C1orf232: variants seen among roughly 807,000 people sequenced by gnomAD.
C1orf232 encodes the protein chromosome 1 open reading frame 230.
C1orf232 carries 10 observed loss-of-function variants against 12.1 expected under a neutral mutation model. The observed-to-expected ratio is 0.82, with a 90% CI of 0.51 to 1.40. The LOEUF (loss-of-function observed/expected upper bound fraction) is 1.40, where lower values mean the gene tolerates loss of function less well. C1orf232 is among the 40% of genes most tolerant of loss of function. The probability of loss-of-function intolerance (pLI) is 0.00; values close to 1 mark genes in which losing one functional copy is unlikely to be tolerated. For synonymous variants in C1orf232, 36 were observed against 39.8 expected, an observed-to-expected ratio of 0.90 and a Z score of 0.36; for missense variants, 88 against 98.4, an observed-to-expected ratio of 0.89 and a Z score of 0.45.
intron 1 of C1orf232, among the ~76,000 whole-genome samples, chr1:26,166,797 C>A (rs1265544468): frequency 6.6e-6 from 1 of 152,202 alleles, no homozygotes; most frequent in Non-Finnish European, 1.5e-5. Context: ...TATACAAGGA[C>A]ACACACAGTT....
chr1:26,164,434 G>T lies in C1orf232; in HGVS notation c.288C>A (p.Pro96=), dbSNP rs1180564207. Residue 96 remains proline, a synonymous_variant, in exon 4 of 4, where the codon CCC becomes CCA. Transcript: ENST00000634842. This position sits in a 1 kb window ranked among gnomAD's most constrained non-coding sequence, Gnocchi z 4.2. ...CCTCCGCCGCCGCCGCCGCCTGCGA[G>T]GGGGGTCGCGCCGCCAGAGGGCTGC... ...CADHPLAARP[P]SQAAAAAEAR... The T allele has an allele frequency of 5.3e-6, 2 of 379,004 alleles. No homozygotes were observed. Among genetic ancestry groups the T allele is most frequent in the South Asian group, 1.3e-4 (1 of 7,720 alleles). The allele number at this position is 379,004 out of a possible 1,614,324, so 23.5% of individuals were successfully genotyped here. A position where few individuals can be genotyped will look rare whatever the true frequency, so the allele number is the denominator to read the frequency against.
At chr1:26,167,980 A>G (rs1046416273) in intron 1 of C1orf232, among the ~76,000 whole-genome samples, 1 of 152,162 alleles carries the variant, frequency 6.6e-6, no homozygotes, top group African/African-American at 2.4e-5. Flanking sequence ...GTCAGAACAA[A>G]GCATGGTCTA....
chr1:26,167,617 G>A (rs1318981101), intron 1 of C1orf232, among the ~76,000 whole-genome samples: 3 of 152,024 alleles, frequency 2.0e-5, no homozygotes, highest in Admixed American at 6.6e-5. Flanking sequence ...AAGCCACTGC[G>A]CCTGGCCTGT....
chr1:26,166,255 G>A, intron 1 of C1orf232, 137 bp from the exon 2 acceptor site: 1 of 487,354 alleles, frequency 2.1e-6, no homozygotes, highest in Non-Finnish European at 3.2e-6. Context: ...ACACTCCACA[G>A]ATCCACAAGG....
chr1:26,165,915 C>T lies in C1orf232; in HGVS notation c.177G>A (p.Gly59=), dbSNP rs973112125. 11 of 1,231,602 alleles carry T rather than the reference C, an allele frequency of 8.9e-6. No homozygotes were observed. Among genetic ancestry groups the T allele is most frequent in the Non-Finnish European group, 1.0e-5 (10 of 988,038 alleles). 76.3% of individuals were successfully genotyped at this position (1,231,602 alleles called of 1,614,324 possible). A position where few individuals can be genotyped will look rare whatever the true frequency, so the allele number is the denominator to read the frequency against. Residue 59 remains glycine (G), a synonymous_variant, in exon 3 of 4, where the codon GGG becomes GGA. Coordinates refer to ENST00000634842, the MANE Select transcript of C1orf232 (RefSeq NM_001364669.2). ...PMSQLARRVQ[G]VGVKGWLTMS... ...TTGTCAGCCAGCCTTTCACCCCGAC[C>T]CCCTGAACCTGGGAAAGGGGTTGGG... is the stretch of plus-strand genomic sequence containing the variant.
At chr1:26,165,191 C>G (rs1347730915) in intron 3 of C1orf232, among the ~76,000 whole-genome samples, 1 of 151,312 alleles carries the variant, frequency 6.6e-6, no homozygotes, top group Non-Finnish European at 1.5e-5. Context: ...AGAATAGGGT[C>G]AACGGTGAGA....
chr1:26,166,081 T>C lies in C1orf232; in HGVS notation c.122A>G (p.Glu41Gly), dbSNP rs2088423099. 2 of 1,231,554 alleles carry C rather than the reference T, an allele frequency of 1.6e-6. No homozygotes were observed. The highest frequency in any genetic ancestry group is 8.2e-5 in the South Asian group (2 of 24,322). The allele number at this position is 1,231,554 out of a possible 1,614,324, so 76.3% of individuals were successfully genotyped here. Residue 41 changes from glutamate (E) to glycine (G), a missense_variant, in exon 2 of 4, where the codon GAA becomes GGA. By Grantham distance (98) the Glu-to-Gly change is moderately conservative. Coordinates refer to ENST00000634842, the MANE Select transcript of C1orf232 (RefSeq NM_001364669.2). ...NPALVGSETA[E>G]PTEETFNPMS... ...GGGATTGAAGGTCTCCTCGGTCGGT[T>C]CTGCTGTCTCAGACCCCACTAATGC... is the stretch of plus-strand genomic sequence containing the variant.
chr1:26,165,975 C>T (rs1462379901), intron 2 of C1orf232, 52 bp from the exon 3 acceptor site: 2 of 1,231,596 alleles, frequency 1.6e-6, no homozygotes, highest in East Asian at 6.3e-5. Flanking sequence ...CCTCCCAGGA[C>T]TCCACAGAAG....
At chr1:26,165,533 T>C (rs1357988263) in intron 3 of C1orf232, among the ~76,000 whole-genome samples, 1 of 152,186 alleles carries the variant, frequency 6.6e-6, no homozygotes, top group Non-Finnish European at 1.5e-5. Flanking sequence ...AAAGGTATTC[T>C]GCGTTCTTGG....
rs550789247 is a variant in C1orf232 at position 26,166,820 on chromosome 1, C to A, written c.85-702G>T. 2.0e-5 allele frequency among the ~76,000 whole-genome samples: 3 copies of A among 152,332 alleles called. No homozygotes were observed. The South Asian group carries it at 6.2e-4, about 32-fold the overall frequency. ...GACACACACAGTTATATCATTCACACCTGTGCACTTATACAACCACAGACA... is the reference window on the plus strand; with the variant it reads ...GACACACACAGTTATATCATTCACAACTGTGCACTTATACAACCACAGACA... On this transcript the variant is annotated intron_variant, in intron 1 of 3. Transcript: ENST00000634842.
chr1:26,164,153 C>A lies in C1orf232; in HGVS notation c.*8G>T. ...TGGGAGCAGCGGGCGCGGGGTTCTG[C>A]CAGCCTGCTAGTCACCCTTGGGCGC... On this transcript the variant is annotated 3_prime_UTR_variant, in exon 4 of 4. Transcript: ENST00000634842. This position sits in a 1 kb window ranked among gnomAD's most constrained non-coding sequence, Gnocchi z 4.2. 1 of 398,402 alleles carries A rather than the reference C, an allele frequency of 2.5e-6. No individual in the cohort carries two copies. The highest frequency in any genetic ancestry group is 3.6e-5 in the East Asian group (1 of 28,054). The allele number at this position is 398,402 out of a possible 1,614,324, so 24.7% of individuals were successfully genotyped here.
At position 26,166,127 on chromosome 1, in the gene C1orf232, C is replaced by G; in HGVS notation, c.85-9G>C. 1 of 1,231,604 alleles carries G rather than the reference C, an allele frequency of 8.1e-7. No individual in the cohort carries two copies. The highest frequency in any genetic ancestry group is 3.2e-5 in the East Asian group (1 of 31,704). 76.3% of individuals were successfully genotyped at this position (1,231,604 alleles called of 1,614,324 possible). A position where few individuals can be genotyped will look rare whatever the true frequency, so the allele number is the denominator to read the frequency against. ...AATGCTGGGTTCTCCCTCTGGGACA[C>G]AAGACCCCCACACAGCATGAGAGAG... On this transcript the variant is annotated splice_polypyrimidine_tract_variant and intron_variant, in intron 1 of 3. Transcript: ENST00000634842.
chr1:26,165,357 G>A (rs942724749), intron 3 of C1orf232, among the ~76,000 whole-genome samples: 3 of 152,148 alleles, frequency 2.0e-5, no homozygotes, highest in African/African-American at 4.8e-5. Context: ...GGGCCCTGGG[G>A]GAGCTTGCTG....
intron 1 of C1orf232, among the ~76,000 whole-genome samples, chr1:26,167,662 C>T (rs2088440145): frequency 6.6e-6 from 1 of 152,076 alleles, no homozygotes; most frequent in Non-Finnish European, 1.5e-5. Flanking sequence ...TGCTCTGTCG[C>T]CCAGGCTGGA....
rs1381979099 is a variant in C1orf232, at chr1:26,164,122, CA to C, written c.*38del. 2 of 397,990 alleles carry C rather than the reference CA, an allele frequency of 5.0e-6. No individual in the cohort carries two copies. Among genetic ancestry groups the C allele is most frequent in the Non-Finnish European group, 8.9e-6 (2 of 225,758 alleles). The allele number at this position is 397,990 out of a possible 1,614,324, so 24.7% of individuals were successfully genotyped here. ...AGGCTGTCGGGCCAGGGTTTTTTATCAGGGGTGGGAGCAGCGGGCGCGGGGT... is the reference window on the plus strand; with the variant it reads ...AGGCTGTCGGGCCAGGGTTTTTTATCGGGGTGGGAGCAGCGGGCGCGGGGT... On this transcript the variant is annotated 3_prime_UTR_variant, in exon 4 of 4. Transcript: ENST00000634842. The surrounding 1 kb of genome is among the most constrained non-coding windows in gnomAD (Gnocchi z 4.2).
rs1182808037 is a variant in C1orf232 at position 26,164,426 on chromosome 1, G to A, written c.296C>T (p.Ala99Val). The A allele has an allele frequency of 1.8e-5, 7 of 380,634 alleles. No homozygotes were observed. Among genetic ancestry groups the A allele is most frequent in the Non-Finnish European group, 3.3e-5 (7 of 214,636 alleles). The allele number at this position is 380,634 out of a possible 1,614,324, so 23.6% of individuals were successfully genotyped here. ...GCCGCGCGCCTCCGCCGCCGCCGCC[G>A]CCTGCGAGGGGGGTCGCGCCGCCAG... ...HPLAARPPSQ[A>V]AAAAEARGPG... The change falls in exon 4 of 4, where the codon GCG (alanine) becomes GTG (valine). Residue 99 changes from alanine (A) to valine (V), a missense_variant. Ala to Val is a moderately conservative substitution (Grantham distance 64). Coordinates refer to ENST00000634842, the MANE Select transcript of C1orf232 (RefSeq NM_001364669.2). This position sits in a 1 kb window ranked among gnomAD's most constrained non-coding sequence, Gnocchi z 4.2.
intron 1 of C1orf232, among the ~76,000 whole-genome samples, chr1:26,168,076 C>T (rs1175513293): frequency 6.6e-6 from 1 of 152,190 alleles, no homozygotes; most frequent in African/African-American, 2.4e-5. Flanking sequence ...GGGCTCACTA[C>T]ATCACTCCTA....
chr1:26,167,966 T>C (rs929515429), intron 1 of C1orf232, among the ~76,000 whole-genome samples: 3 of 152,184 alleles, frequency 2.0e-5, no homozygotes, highest in Non-Finnish European at 1.5e-5. Context: ...TTGTTTTTTG[T>C]AATGTCAGAA....
At chr1:26,166,717 T>C (rs940734112) in intron 1 of C1orf232, among the ~76,000 whole-genome samples, 1 of 152,178 alleles carries the variant, frequency 6.6e-6, no homozygotes, top group Non-Finnish European at 1.5e-5. Flanking sequence ...GACACACACC[T>C]GTACATGAGC....
Sources: gnomAD v4.1 joint callset for allele counts (sites outside exome capture counted in the v4.1 genomes callset) on GRCh38, gnomAD v4.1.1 for gene constraint, Gnocchi (gnomAD v3.1) non-coding constraint, MANE v1.5 for transcripts, NCBI Gene and HGNC (gene_info 2026-07-23, HGNC 2026-07-21) for gene names.